MYH14: variants seen among roughly 807,000 people sequenced by gnomAD.
The protein encoded by MYH14 is myosin-14.
MYH14 carries 123 observed loss-of-function variants against 255.5 expected under a neutral mutation model. That is an observed-to-expected ratio of 0.48 (90% confidence interval 0.42 to 0.56). The LOEUF is 0.56. Ranked by LOEUF, MYH14 falls within the 20% of genes least tolerant of loss-of-function variation. The probability of loss-of-function intolerance (pLI) is 0.00; values close to 1 mark genes in which losing one functional copy is unlikely to be tolerated. For missense variants in MYH14, 2,423 were observed against 2,802.3 expected (o/e 0.86, Z 3.06); for synonymous variants, 1,095 against 1,161.2 (o/e 0.94, Z 1.16).
chr19:50,241,341 G>A (rs1486037758), intron 10 of MYH14, among the ~76,000 whole-genome samples: 6 of 152,062 alleles, frequency 3.9e-5, no homozygotes, highest in African/African-American at 7.2e-5. Context: ...AGGCTGAGGC[G>A]GGAGAATCAC....
chr19:50,222,260 C>G (rs1256381748), intron 3 of MYH14, among the ~76,000 whole-genome samples: 2 of 152,010 alleles, frequency 1.3e-5, no homozygotes, highest in Non-Finnish European at 2.9e-5. Flanking sequence ...GCCGGTGGAT[C>G]ACGAGGTCAG....
chr19:50,226,287 A>G (rs1207212241), intron 7 of MYH14, among the ~76,000 whole-genome samples: 5 of 6,136 alleles, frequency 8.1e-4, no homozygotes, highest in African/African-American at 2.2e-3. Context: ...TGGACTCTTG[A>G]GTCTGGGGGA....
chr19:50,254,819 G>A (rs998090389), intron 16 of MYH14, among the ~76,000 whole-genome samples: 24 of 152,304 alleles, frequency 1.6e-4, no homozygotes, highest in Non-Finnish European at 2.6e-4. Flanking sequence ...AGGGAAAAAC[G>A]GAAATGAGAT....
chr19:50,268,704 T>C lies in MYH14; in HGVS notation c.3033+337T>C, dbSNP rs894040158. 2.8e-4 allele frequency among the ~76,000 whole-genome samples: 41 copies of C among 148,366 alleles called. 1 individual carries two copies. The highest frequency in any genetic ancestry group is 5.2e-4 in the Non-Finnish European group (35 of 67,114). ...TCAGGCATGGCTGGATCCAGGCGCCTAAGTGATGTCCTCAGCTTCAGGCAT... is the reference window on the plus strand; with the variant it reads ...TCAGGCATGGCTGGATCCAGGCGCCCAAGTGATGTCCTCAGCTTCAGGCAT... On this transcript the variant is annotated intron_variant, in intron 24 of 42. Coordinates refer to ENST00000642316, the MANE Select transcript of MYH14 (RefSeq NM_001145809.2).
intron 40 of MYH14, 99 bp downstream of exon 40, chr19:50,301,968 A>G: frequency 1.0e-6 from 1 of 959,770 alleles, no homozygotes; most frequent in Non-Finnish European, 1.6e-6. Context: ...AGAAACATCC[A>G]AAAGACATCA....
intron 17 of MYH14, among the ~76,000 whole-genome samples, chr19:50,255,826 G>A (rs1568504898): frequency 6.6e-6 from 1 of 150,940 alleles, no homozygotes; most frequent in Non-Finnish European, 1.5e-5. Flanking sequence ...TGAACCTGGG[G>A]AAGAAAATAA....
chr19:50,253,444 A>AG (rs892297124), intron 16 of MYH14, among the ~76,000 whole-genome samples: 3 of 101,868 alleles, frequency 2.9e-5, no homozygotes, highest in African/African-American at 1.3e-4. Flanking sequence ...CTCTGTCCCA[A>AG]AAAAAAAAAA....
At position 50,210,371 on chromosome 19, in the gene MYH14, A is replaced by G; in HGVS notation, c.6A>G (p.Ala2=). 6.3e-7 allele frequency: 1 copy of G among 1,587,506 alleles called. No homozygotes were observed. ...TTTCTTTGCCCCTGCAGACCATGGC[A>G]GCCGTGACCATGTCGGTGCCCGGGC... M[A]AVTMSVPGRK... The change falls in exon 2 of 43, where the codon GCA becomes GCG. Residue 2 remains alanine (A), a synonymous_variant. Transcript: ENST00000642316.
chr19:50,287,221 G>T (rs546031498), intron 34 of MYH14, among the ~76,000 whole-genome samples: 1 of 152,176 alleles, frequency 6.6e-6, no homozygotes, highest in African/African-American at 2.4e-5. Context: ...TAATGCACAC[G>T]CATAGAAAGT....
At chr19:50,242,488 C>T (rs180717503) in intron 10 of MYH14, among the ~76,000 whole-genome samples, 1 of 152,098 alleles carries the variant, frequency 6.6e-6, no homozygotes, top group African/African-American at 2.4e-5. Flanking sequence ...CCTCAGATCT[C>T]GTGAGACTTA....
In MYH14 at chr19:50,261,639, G is replaced by T; in HGVS notation, c.2585+4G>T. On this transcript the variant is annotated splice_donor_region_variant and intron_variant, in intron 21 of 42. Transcript: ENST00000642316. ...CCCGGGGATACCTGGCTCGCAGGTGGGCAGCCACGCTGTCTCCCGGGGTCC... is the reference window on the plus strand; with the variant it reads ...CCCGGGGATACCTGGCTCGCAGGTGTGCAGCCACGCTGTCTCCCGGGGTCC... 1 of 1,592,060 alleles carries T rather than the reference G, an allele frequency of 6.3e-7. No individual in the cohort carries two copies.
intron 40 of MYH14, among the ~76,000 whole-genome samples, chr19:50,302,750 A>C (rs1467096704): frequency 6.6e-6 from 1 of 151,690 alleles, no homozygotes; most frequent in Non-Finnish European, 1.5e-5. Context: ...AAAATACAAA[A>C]AATTAGCCGG....
intron 16 of MYH14, among the ~76,000 whole-genome samples, chr19:50,253,811 G>C (rs955385013): frequency 6.6e-6 from 1 of 152,178 alleles, no homozygotes; most frequent in Non-Finnish European, 1.5e-5. Flanking sequence ...TGGCAGAACT[G>C]GCATCCTGTT....
intron 6 of MYH14, 41 bp downstream of exon 6, chr19:50,224,218 T>A: frequency 6.2e-7 from 1 of 1,613,786 alleles, no homozygotes; most frequent in South Asian, 1.1e-5. Context: ...CTGCCCCTAA[T>A]GCCTTCCCGG....
intron 24 of MYH14, among the ~76,000 whole-genome samples, chr19:50,270,397 G>GGTAGCGGGTGC (rs2035250077): frequency 6.6e-6 from 1 of 151,668 alleles, no homozygotes; most frequent in Non-Finnish European, 1.5e-5. Flanking sequence ...GCGGGTGCCT[G>GGTAGCGGGTGC]TAATCCCAGC....
At chr19:50,306,461 C>A (rs10418093) in intron 40 of MYH14, among the ~76,000 whole-genome samples, 210 of 152,250 alleles carry the variant, frequency 1.4e-3, no homozygotes, top group African/African-American at 4.9e-3. Flanking sequence ...ATGGTCCATG[C>A]AGGAGAGGAC....
chr19:50,249,626 C>T, intron 13 of MYH14, 24 bp from the exon 14 acceptor site: 2 of 1,404,418 alleles, frequency 1.4e-6, no homozygotes, highest in South Asian at 1.2e-5. Context: ...ATCCTCCCAG[C>T]TCACGTGTCC....
intron 39 of MYH14, among the ~76,000 whole-genome samples, chr19:50,296,653 C>T (rs540530696): frequency 2.7e-4 from 41 of 152,204 alleles, no homozygotes; most frequent in African/African-American, 9.4e-4. Context: ...GAGCTTCTTC[C>T]GAAGTGGCTG....
chr19:50,204,345 G>A (rs868566685), intron 1 of MYH14, among the ~76,000 whole-genome samples: 7 of 152,210 alleles, frequency 4.6e-5, no homozygotes, highest in East Asian at 1.9e-4. Flanking sequence ...TAAGGAAAGC[G>A]GTGGTCCCTG....
Sources: allele counts gnomAD v4.1 joint callset (sites outside exome capture counted in the v4.1 genomes callset), GRCh38; gene constraint gnomAD v4.1.1; transcripts MANE v1.5; gene names NCBI Gene and HGNC (gene_info 2026-07-23, HGNC 2026-07-21).